The following PCDHA9 variants were observed in gnomAD, a reference collection of about 807,000 sequenced individuals.
PCDHA9 encodes protocadherin alpha-9.
PCDHA9 carries 62 observed loss-of-function variants against 62.0 expected under a neutral mutation model. That is an observed-to-expected ratio of 1.00 (90% CI 0.81 to 1.23). The LOEUF (loss-of-function observed/expected upper bound fraction) is 1.23. PCDHA9 is among the 50% of genes most tolerant of loss of function. The pLI is 0.00. For synonymous variants in PCDHA9, 557 were observed against 567.6 expected, an observed-to-expected ratio of 0.98 and a Z score of 0.27; for missense variants, 1,205 against 1,249.8, an observed-to-expected ratio of 0.96 and a Z score of 0.54.
chr5:140,852,637 A>G (rs2150521055), intron 1 of PCDHA9: 1 of 959,312 alleles, frequency 1.0e-6, no homozygotes, highest in Non-Finnish European at 1.3e-6. Flanking sequence ...AGCTCCTGTC[A>G]TTAAACCTAT....
chr5:140,933,752 A>T (rs1308245960), intron 1 of PCDHA9, among the ~76,000 whole-genome samples: 1 of 152,068 alleles, frequency 6.6e-6, no homozygotes, highest in African/African-American at 2.4e-5. Context: ...AGAATTCACT[A>T]GTGAAGCTCT....
chr5:140,849,320 G>A lies in PCDHA9; in HGVS notation c.825G>A (p.Gly275=), dbSNP rs1562454724. The stretch of plus-strand genomic sequence containing the variant: ...CAGATTTAGACGAAGGCTTGAATGG[G>A]GATATTATTTACTCCTTCTCCAGTG... ...NASDLDEGLN[G]DIIYSFSSDV... is the part of the protein sequence containing the mutation. Residue 275 remains glycine, a synonymous_variant, in exon 1 of 4, where the codon GGG becomes GGA. Coordinates refer to ENST00000532602, the MANE Select transcript of PCDHA9 (RefSeq NM_031857.2). The A allele has an allele frequency of 1.5e-6, 2 of 1,335,992 alleles. No homozygotes were observed. The highest frequency in any genetic ancestry group is 2.4e-5 in the East Asian group (1 of 40,974). 82.8% of individuals were successfully genotyped at this position (1,335,992 alleles called of 1,614,324 possible). A position where few individuals can be genotyped will look rare whatever the true frequency, so the allele number is the denominator to read the frequency against.
intron 1 of PCDHA9, among the ~76,000 whole-genome samples, chr5:140,973,915 A>T (rs1401328396): frequency 2.0e-5 from 3 of 152,242 alleles, no homozygotes; most frequent in African/African-American, 7.2e-5. Context: ...CATTCCTGTC[A>T]CCAAACCCAG....
chr5:140,992,235 G>A (rs1272038759), intron 3 of PCDHA9, among the ~76,000 whole-genome samples: 7 of 152,154 alleles, frequency 4.6e-5, no homozygotes, highest in African/African-American at 1.7e-4. Flanking sequence ...GGAAGAGTAA[G>A]GAAGGAAGTA....
intron 1 of PCDHA9, among the ~76,000 whole-genome samples, chr5:140,899,629 G>T (rs2067446538): frequency 6.6e-6 from 1 of 152,116 alleles, no homozygotes; most frequent in African/African-American, 2.4e-5. Flanking sequence ...AAGGATATTG[G>T]TCTAAAATTC....
chr5:140,918,572 G>T (rs2153549346), intron 1 of PCDHA9, among the ~76,000 whole-genome samples: 1 of 152,264 alleles, frequency 6.6e-6, no homozygotes, highest in Middle Eastern at 3.4e-3. Context: ...ATATTATGCT[G>T]CTATTGGCTA....
chr5:141,006,405 C>A (rs782532612), intron 3 of PCDHA9, among the ~76,000 whole-genome samples: 1 of 151,798 alleles, frequency 6.6e-6, no homozygotes, highest in Non-Finnish European at 1.5e-5. Context: ...AGTAGAGACG[C>A]GGTTTCACTG....
At chr5:140,858,143 A>G in intron 1 of PCDHA9, 2 of 1,597,218 alleles carry the variant, frequency 1.3e-6, no homozygotes, top group Non-Finnish European at 1.7e-6. Flanking sequence ...CGTGTACCTG[A>G]TCATCGCCAT....
intron 1 of PCDHA9, chr5:140,883,440 C>T (rs781949896): frequency 1.9e-6 from 3 of 1,614,152 alleles, no homozygotes; most frequent in Non-Finnish European, 2.5e-6. Flanking sequence ...ACCTTGACGC[C>T]GCATGTCCCC....
chr5:141,000,421 ATTTTT>A (rs34755515), intron 3 of PCDHA9, among the ~76,000 whole-genome samples: 89 of 27,938 alleles, frequency 3.2e-3, no homozygotes, highest in East Asian at 4.2e-3. Flanking sequence ...ATATATATAT[ATTTTT>A]TTTTTTTTTT....
At chr5:140,862,688 A>G in intron 1 of PCDHA9, 1 of 553,472 alleles carries the variant, frequency 1.8e-6, no homozygotes, top group Non-Finnish European at 3.6e-6. Flanking sequence ...CTGGTGTCCT[A>G]CTCGTTGATG....
intron 1 of PCDHA9, among the ~76,000 whole-genome samples, chr5:140,957,190 A>G (rs2153712685): frequency 6.6e-6 from 1 of 152,294 alleles, no homozygotes; most frequent in South Asian, 2.1e-4. Context: ...TTGATGACCG[A>G]TTGGGAATAT....
At chr5:140,872,402 G>A (rs1272057866) in intron 1 of PCDHA9, among the ~76,000 whole-genome samples, 3 of 152,128 alleles carry the variant, frequency 2.0e-5, no homozygotes, top group African/African-American at 7.2e-5. Flanking sequence ...TGAGGCAGGA[G>A]AATTGCTTGA....
chr5:140,849,484 T>A lies in PCDHA9; in HGVS notation c.989T>A (p.Leu330Gln), dbSNP rs2040926970. 6.3e-7 allele frequency: 1 copy of A among 1,590,814 alleles called. No individual in the cohort carries two copies. The highest frequency in any genetic ancestry group is 8.6e-7 in the Non-Finnish European group (1 of 1,162,912). ...GCTGTCGATAAAGGCTTCCCACCCC[T>A]GGCTGGTCATTGTACACTTCTTGTG... ...VEAVDKGFPP[L>Q]AGHCTLLVEV... The change falls in exon 1 of 4, where the codon CTG (leucine) becomes CAG (glutamine). Residue 330 changes from leucine (L) to glutamine (Q), a missense_variant. Around this residue, in one of 3 missense-constraint regions of PCDHA9, gnomAD observed 110 missense variants for 227.2 expected, o/e 0.48. Transcript: ENST00000532602.
chr5:140,876,837 C>G (rs782753877), intron 1 of PCDHA9: 3 of 1,614,148 alleles, frequency 1.9e-6, no homozygotes, highest in African/African-American at 1.3e-5. Context: ...CGCCTGCGTT[C>G]GCGCAGCCCG....
rs921095598 is a variant in PCDHA9 at position 140,929,476 on chromosome 5, T to C, written c.2395-49473T>C. 1.0e-5 allele frequency: 13 copies of C among 1,254,174 alleles called. No individual in the cohort carries two copies. In the African/African-American group the frequency reaches 2.0e-4, roughly 19 times the overall value. 77.7% of individuals were successfully genotyped at this position (1,254,174 alleles called of 1,614,324 possible). On this transcript the variant is annotated intron_variant, in intron 1 of 3. Coordinates refer to ENST00000532602, the MANE Select transcript of PCDHA9 (RefSeq NM_031857.2). ...CTTCCTGTGCCAAGAAATCTGGAAG[T>C]ATAGAAGTATTAGAAGATTGCCCTA...
In PCDHA9 at chr5:140,856,840, C is replaced by T. The variant is rs782759448; in HGVS notation, c.2394+5951C>T. On this transcript the variant is annotated intron_variant, in intron 1 of 3. Transcript: ENST00000532602. ...ACCAAACATTAGTAATACGGCTCAA[C>T]GCTTCTGATTCGGATGAAGGAATAA... is the stretch of plus-strand genomic sequence containing the variant. The T allele has an allele frequency of 7.5e-6, 12 of 1,591,778 alleles. 2 individuals are homozygous for T. The highest frequency in any genetic ancestry group is 4.0e-5 in the African/African-American group (3 of 74,140).
At chr5:140,991,988 C>T (rs1167776981) in intron 3 of PCDHA9, among the ~76,000 whole-genome samples, 1 of 151,478 alleles carries the variant, frequency 6.6e-6, no homozygotes, top group Non-Finnish European at 1.5e-5. Flanking sequence ...GCCTACCACC[C>T]GGTCTTTCAT....
intron 1 of PCDHA9, among the ~76,000 whole-genome samples, chr5:140,873,335 T>C (rs192894155): frequency 6.6e-6 from 1 of 152,358 alleles, no homozygotes; most frequent in African/African-American, 2.4e-5. Flanking sequence ...CATACATTAC[T>C]CATCTCCAGA....
Sources: allele counts gnomAD v4.1 joint callset (sites outside exome capture counted in the v4.1 genomes callset), GRCh38; gene constraint gnomAD v4.1.1; regional missense constraint gnomAD v4.1.1; transcripts MANE v1.5; gene names NCBI Gene and HGNC (gene_info 2026-07-23, HGNC 2026-07-21).